RBFOX1: variants seen among roughly 807,000 people sequenced by gnomAD.
The protein encoded by RBFOX1 is RNA binding protein fox-1 homolog 1.
RBFOX1 carries 8 observed loss-of-function variants against 57.7 expected under a neutral mutation model. The ratio of observed to expected loss-of-function variants is 0.14; its 90% CI spans 0.08 to 0.25. The LOEUF (loss-of-function observed/expected upper bound fraction) is 0.25, where lower values mean the gene tolerates loss of function less well. RBFOX1 is among the 10% of genes least tolerant of loss of function. The pLI is 1.00. For missense variants in RBFOX1, 611 were observed against 548.5 expected (o/e 1.11, Z -1.14); for synonymous variants, 326 against 222.4 (o/e 1.47, Z -4.15).
chr16:6,250,980 C>T (rs113788551), intron 1 of RBFOX1, among the ~76,000 whole-genome samples: 7 of 152,110 alleles, frequency 4.6e-5, no homozygotes, highest in African/African-American at 1.2e-4. Flanking sequence ...GTCCTTATGG[C>T]GTTTGAGATG....
chr16:7,048,145 C>G (rs1276644321), intron 3 of RBFOX1, among the ~76,000 whole-genome samples: 2 of 152,106 alleles, frequency 1.3e-5, no homozygotes, highest in East Asian at 1.9e-4. Context: ...TCCCAAAATT[C>G]TGGGATTACA....
chr16:6,444,914 T>A (rs932605129), intron 2 of RBFOX1, among the ~76,000 whole-genome samples: 1 of 152,132 alleles, frequency 6.6e-6, no homozygotes, highest in South Asian at 2.1e-4. Context: ...GGTTTTCGTT[T>A]TCTATGGGTT....
chr16:6,909,768 G>A (rs35627148), intron 3 of RBFOX1, among the ~76,000 whole-genome samples: 34,082 of 151,982 alleles, frequency 0.22, 4,035 homozygotes, highest in East Asian at 0.31. Context: ...ATTTTCTCCC[G>A]AGTGTGGTTC....
intron 1 of RBFOX1, among the ~76,000 whole-genome samples, chr16:5,350,734 TG>T (rs2065244484): frequency 6.6e-6 from 1 of 152,086 alleles, no homozygotes; most frequent in African/African-American, 2.4e-5. Flanking sequence ...GGCATGGTAG[TG>T]GGCGCCTGTA....
intron 2 of RBFOX1, among the ~76,000 whole-genome samples, chr16:5,540,421 G>T (rs762634108): frequency 1.8e-4 from 27 of 152,170 alleles, no homozygotes; most frequent in Admixed American, 4.6e-4. Context: ...TTCGTTTGTT[G>T]GTTGGTCTGA....
At chr16:5,696,835 A>G (rs1009893340) in intron 3 of RBFOX1, among the ~76,000 whole-genome samples, 3 of 152,094 alleles carry the variant, frequency 2.0e-5, no homozygotes, top group South Asian at 2.1e-4. Context: ...TATTTAAATT[A>G]TGTATAAATT....
At chr16:6,383,916 G>A (rs2092042073) in intron 2 of RBFOX1, among the ~76,000 whole-genome samples, 1 of 152,032 alleles carries the variant, frequency 6.6e-6, no homozygotes, top group East Asian at 1.9e-4. Flanking sequence ...AAGCATAATG[G>A]ATCCTCTGTG....
intron 4 of RBFOX1, among the ~76,000 whole-genome samples, chr16:7,447,472 A>G (rs1486395768): frequency 6.6e-6 from 1 of 151,488 alleles, no homozygotes; most frequent in African/African-American, 2.4e-5. Flanking sequence ...ATGAGATTCA[A>G]AATTACTAGT....
intron 1 of RBFOX1, among the ~76,000 whole-genome samples, chr16:5,391,508 C>G (rs1165895877): frequency 6.6e-6 from 1 of 152,142 alleles, no homozygotes; most frequent in Non-Finnish European, 1.5e-5. Flanking sequence ...CGAGGAGAAT[C>G]TCCCCATTTT....
intron 4 of RBFOX1, among the ~76,000 whole-genome samples, chr16:7,119,015 C>A (rs943734752): frequency 6.6e-6 from 1 of 152,066 alleles, no homozygotes; most frequent in Non-Finnish European, 1.5e-5. Flanking sequence ...AGAGGACACT[C>A]ATGGGGAGAG....
intron 1 of RBFOX1, among the ~76,000 whole-genome samples, chr16:6,096,542 G>C (rs1253947202): frequency 6.6e-6 from 1 of 152,150 alleles, no homozygotes; most frequent in African/African-American, 2.4e-5. Context: ...AAGAGGCTTT[G>C]TGAATTCTCT....
rs180945449 is a variant in RBFOX1 at position 5,388,202 on chromosome 16, C to G, written c.220-79014C>G. ...AATTTGTGACAGCAGTAGCAGGAAA[C>G]CAGCACATTGGTAGAGGCAGCCAGG... On this transcript the variant is annotated intron_variant, in intron 1 of 2. Transcript: ENST00000585867. Among the ~76,000 whole-genome samples, 3 of 152,202 alleles carry G rather than the reference C, an allele frequency of 2.0e-5. No homozygotes were observed. The East Asian group carries it at 5.8e-4, about 29-fold the overall frequency.
intron 4 of RBFOX1, among the ~76,000 whole-genome samples, chr16:7,074,428 A>G (rs1284942726): frequency 2.0e-5 from 3 of 152,248 alleles, no homozygotes; most frequent in Non-Finnish European, 4.4e-5. Context: ...TCAACCTAAT[A>G]AAATTGACAG....
intron 4 of RBFOX1, among the ~76,000 whole-genome samples, chr16:7,063,921 C>T (rs2055253036): frequency 6.6e-6 from 1 of 152,154 alleles, no homozygotes; most frequent in Admixed American, 6.5e-5. Context: ...TTTATATCAG[C>T]ATCCATGGAC....
intron 4 of RBFOX1, among the ~76,000 whole-genome samples, chr16:7,160,967 C>G (rs918525575): frequency 6.6e-6 from 1 of 152,160 alleles, no homozygotes; most frequent in Non-Finnish European, 1.5e-5. Context: ...GACAAACCTT[C>G]AATGGTTAGG....
At chr16:6,412,580 CATA>C (rs964161379) in intron 2 of RBFOX1, among the ~76,000 whole-genome samples, 3 of 152,212 alleles carry the variant, frequency 2.0e-5, no homozygotes, top group Admixed American at 1.3e-4. Flanking sequence ...CACCATGCCT[CATA>C]ATAAGAAATA....
intron 5 of RBFOX1, among the ~76,000 whole-genome samples, chr16:7,574,246 G>C (rs765097676): frequency 1.3e-5 from 2 of 152,216 alleles, no homozygotes; most frequent in Non-Finnish European, 2.9e-5. Context: ...GTGGGCTGGA[G>C]AGAGGAAGAC....
At chr16:7,411,357 C>G (rs937572988) in intron 4 of RBFOX1, among the ~76,000 whole-genome samples, 2 of 151,982 alleles carry the variant, frequency 1.3e-5, no homozygotes, top group East Asian at 3.9e-4. Flanking sequence ...ATTAGTTTCC[C>G]CGACAGTGTA....
intron 2 of RBFOX1, among the ~76,000 whole-genome samples, chr16:6,553,276 C>T (rs1001527498): frequency 3.3e-5 from 5 of 152,116 alleles, no homozygotes; most frequent in Non-Finnish European, 7.4e-5. Context: ...AAGTTGCCAC[C>T]GATTTAGAGC....
Sources: allele counts gnomAD v4.1 joint callset (sites outside exome capture counted in the v4.1 genomes callset), GRCh38; gene constraint gnomAD v4.1.1; transcripts MANE v1.5; gene names NCBI Gene and HGNC (gene_info 2026-07-23, HGNC 2026-07-21).